TMEM117: variants seen among roughly 807,000 people sequenced by gnomAD.
TMEM117 encodes the protein transmembrane protein 117.
In TMEM117, 27 loss-of-function variants were observed where a neutral mutation model predicts 52.4. The observed-to-expected ratio is 0.51, with a 90% CI of 0.38 to 0.71. The LOEUF (loss-of-function observed/expected upper bound fraction) is 0.71, where lower values mean the gene tolerates loss of function less well. TMEM117 is among the 30% of genes least tolerant of loss of function. The pLI, the probability that TMEM117 is intolerant of heterozygous loss-of-function variation, is 0.00. For synonymous variants in TMEM117, 215 were observed against 206.3 expected (o/e 1.04, Z -0.36); for missense variants, 556 against 630.5 (o/e 0.88, Z 1.26).
intron 3 of TMEM117, among the ~76,000 whole-genome samples, chr12:43,985,152 A>C (rs1311509213): frequency 6.6e-6 from 1 of 152,182 alleles, no homozygotes; most frequent in African/African-American, 2.4e-5. Flanking sequence ...TGAAATTCTC[A>C]AGAATGTTTT....
intron 2 of TMEM117, among the ~76,000 whole-genome samples, chr12:43,936,541 A>T (rs1944954260): frequency 6.6e-6 from 1 of 152,160 alleles, no homozygotes; most frequent in Admixed American, 6.5e-5. Context: ...TAGTGATATG[A>T]TGAAGACAAG....
chr12:43,906,260 C>T lies in TMEM117; in HGVS notation c.278-37950C>T, dbSNP rs572394940. Among the ~76,000 whole-genome samples the T allele has an allele frequency of 1.1e-4, 17 of 152,038 alleles. 1 individual carries two copies. Among genetic ancestry groups the T allele is most frequent in the African/African-American group, 2.2e-4 (9 of 41,478 alleles). On this transcript the variant is annotated intron_variant, in intron 2 of 7. Coordinates refer to ENST00000266534, the MANE Select transcript of TMEM117 (RefSeq NM_032256.3). Reference sequence around the variant, plus strand: ...GGTGGATCTCTCGAGGTCTGGAGTTCGAGACCAGCCTGGCCAACATGGTGA... The same window carrying T: ...GGTGGATCTCTCGAGGTCTGGAGTTTGAGACCAGCCTGGCCAACATGGTGA...
At chr12:44,225,325 A>G (rs2138436290) in intron 5 of TMEM117, among the ~76,000 whole-genome samples, 1 of 152,308 alleles carries the variant, frequency 6.6e-6, no homozygotes, top group Non-Finnish European at 1.5e-5. Context: ...TGAGCCAAGA[A>G]ACTGCCATGA....
chr12:44,126,083 T>C (rs578074723), intron 3 of TMEM117, among the ~76,000 whole-genome samples: 38 of 152,288 alleles, frequency 2.5e-4, no homozygotes, highest in African/African-American at 8.9e-4. Context: ...GAGACTGTTA[T>C]GACTTCAGGT....
rs1436755405 is a variant in TMEM117 at position 43,984,397 on chromosome 12, C to CAAT, written c.410+40057_410+40058insTAA. Reference sequence around the variant, plus strand: ...ACAACAACAACAACAACAACAACAACAACAACAACAGCATATCATTAGTTT... The same window carrying CAAT: ...ACAACAACAACAACAACAACAACAACAATAACAACAACAGCATATCATTAGTTT... On this transcript the variant is annotated intron_variant, in intron 3 of 7. Transcript: ENST00000266534. Among the ~76,000 whole-genome samples the CAAT allele has an allele frequency of 2.6e-5, 4 of 151,146 alleles. No homozygotes were observed. The East Asian group carries it at 7.7e-4, about 29-fold the overall frequency.
At chr12:43,878,831 T>C (rs1943847717) in intron 2 of TMEM117, among the ~76,000 whole-genome samples, 1 of 152,206 alleles carries the variant, frequency 6.6e-6, no homozygotes, top group Non-Finnish European at 1.5e-5. Context: ...GGAAAAAATC[T>C]TGATCATTCA....
chr12:43,833,863 T>C (rs1592292526), upstream of TMEM117, among the ~76,000 whole-genome samples: 1 of 151,532 alleles, frequency 6.6e-6, no homozygotes, highest in South Asian at 2.1e-4. Flanking sequence ...GAGGATGAGG[T>C]GGGCAGATCA....
At chr12:44,259,640 G>A (rs182272141) in intron 5 of TMEM117, among the ~76,000 whole-genome samples, 2 of 152,138 alleles carry the variant, frequency 1.3e-5, no homozygotes, top group Admixed American at 1.3e-4. Context: ...AGTAAGTGAT[G>A]GCATTCACTG....
intron 2 of TMEM117, among the ~76,000 whole-genome samples, chr12:43,928,447 C>T (rs1419831297): frequency 1.3e-5 from 2 of 152,072 alleles, no homozygotes; most frequent in South Asian, 4.1e-4. Context: ...GAGGTATACT[C>T]TCTCAGTTTT....
At chr12:44,008,779 G>T (rs1255614476) in intron 3 of TMEM117, 5 of 439,992 alleles carry the variant, frequency 1.1e-5, no homozygotes, top group South Asian at 1.9e-5. Context: ...AGTTCTGAAT[G>T]AATCTTTTTC....
chr12:43,911,604 A>G (rs1378458485), intron 2 of TMEM117, among the ~76,000 whole-genome samples: 3 of 150,664 alleles, frequency 2.0e-5, no homozygotes, highest in Non-Finnish European at 3.0e-5. Flanking sequence ...TCATCTGACA[A>G]AGGGCTAATA....
intron 2 of TMEM117, among the ~76,000 whole-genome samples, chr12:43,863,075 G>T (rs1395226048): frequency 6.6e-6 from 1 of 152,098 alleles, no homozygotes; most frequent in African/African-American, 2.4e-5. Flanking sequence ...GTGAAACCCT[G>T]TCTCTACTGA....
At chr12:43,893,244 T>C (rs775873126) in intron 2 of TMEM117, among the ~76,000 whole-genome samples, 2 of 152,224 alleles carry the variant, frequency 1.3e-5, no homozygotes, top group Non-Finnish European at 2.9e-5. Context: ...TTAGTTGCTG[T>C]GTCAAAAACG....
intron 2 of TMEM117, among the ~76,000 whole-genome samples, chr12:43,873,084 G>A (rs1943734187): frequency 6.6e-6 from 1 of 152,180 alleles, no homozygotes; most frequent in Non-Finnish European, 1.5e-5. Flanking sequence ...AGTGATGGAT[G>A]CTTGAGGAGA....
At chr12:44,231,712 T>G (rs1346719173) in intron 5 of TMEM117, among the ~76,000 whole-genome samples, 1 of 151,856 alleles carries the variant, frequency 6.6e-6, no homozygotes, top group Non-Finnish European at 1.5e-5. Context: ...TTCCCCTGAT[T>G]ATTGTATTGA....
intron 6 of TMEM117, among the ~76,000 whole-genome samples, chr12:44,328,717 T>A (rs1408669586): frequency 1.3e-5 from 2 of 152,238 alleles, no homozygotes; most frequent in South Asian, 2.1e-4. Context: ...TTCTAGAATC[T>A]TCTTGTAGCA....
chr12:44,294,281 T>C (rs1950740684), intron 5 of TMEM117, among the ~76,000 whole-genome samples: 1 of 152,224 alleles, frequency 6.6e-6, no homozygotes, highest in African/African-American at 2.4e-5. Context: ...ATTCCCTCTC[T>C]ATCTGTGAGG....
intron 2 of TMEM117, among the ~76,000 whole-genome samples, chr12:43,908,519 G>A (rs1944433595): frequency 6.7e-6 from 1 of 148,184 alleles, no homozygotes; most frequent in South Asian, 2.2e-4. Flanking sequence ...AATGTAAATG[G>A]CTAAATGCTC....
At chr12:44,149,273 A>C (rs1437166702) in intron 4 of TMEM117, among the ~76,000 whole-genome samples, 1 of 152,214 alleles carries the variant, frequency 6.6e-6, no homozygotes, top group African/African-American at 2.4e-5. Context: ...TCATGTGAGC[A>C]AGAAGAGATT....
Sources: allele counts gnomAD v4.1 joint callset (sites outside exome capture counted in the v4.1 genomes callset), GRCh38; gene constraint gnomAD v4.1.1; transcripts MANE v1.5; gene names NCBI Gene and HGNC (gene_info 2026-07-23, HGNC 2026-07-21).